DNPEP: variants seen among roughly 807,000 people sequenced by gnomAD.
The protein encoded by DNPEP is aspartyl aminopeptidase.
Under a neutral mutation model 59.1 loss-of-function variants are expected in DNPEP, and 46 were observed. The observed-to-expected ratio is 0.78, with a 90% CI of 0.61 to 0.99. DNPEP has a LOEUF of 0.99. DNPEP is among the 50% of genes least tolerant of loss of function. DNPEP has a pLI of 0.00. For synonymous variants in DNPEP, 229 were observed against 242.2 expected (o/e 0.95, Z 0.50); for missense variants, 617 against 649.9 (o/e 0.95, Z 0.55).
rs761512636 is a variant in DNPEP, at chr2:219,385,332, G to C, written c.774+92C>G. 6.5e-6 allele frequency: 5 copies of C among 765,890 alleles called. No individual in the cohort carries two copies. In the East Asian group the frequency reaches 7.9e-5, roughly 12 times the overall value. 47.4% of individuals were successfully genotyped at this position (765,890 alleles called of 1,614,324 possible). ...CGGGGATGAGAGTTACTGAGGGCTT[G>C]GTGGAGGTGATGGGTGCTTCAGCAG... On this transcript the variant is annotated intron_variant, in intron 8 of 14. Transcript: ENST00000273075.
Position 219,387,090 on chromosome 2 carries a change from C to T in DNPEP, c.110G>A (p.Arg37Gln). ...CTTACCATGGAAAGGAGAGGGACTC[C>T]GGTTCACGAACTTGAGGAGTTCCTT... is the stretch of plus-strand genomic sequence containing the variant. Reference protein sequence around the residue: ...AAKELLKFVNRSPSPFHAVAE... With the variant: ...AAKELLKFVNQSPSPFHAVAE... The change falls in exon 2 of 15, where the codon CGG becomes CAG. Residue 37 changes from arginine (R) to glutamine (Q), a missense_variant. Physicochemically the swap from Arg to Gln is conservative, Grantham distance 43. Coordinates refer to ENST00000273075, the MANE Select transcript of DNPEP (RefSeq NM_012100.4). The T allele has an allele frequency of 6.3e-7, 1 of 1,596,306 alleles. No homozygotes were observed. The highest frequency in any genetic ancestry group is 2.3e-5 in the East Asian group (1 of 44,354).
intron 13 of DNPEP, among the ~76,000 whole-genome samples, chr2:219,380,842 T>TACACACACACAC (rs58867229): frequency 0.025 from 3,653 of 145,764 alleles, 179 homozygotes; most frequent in African/African-American, 0.087. Context: ...CATATATATG[T>TACACACACACAC]ACACACACAC....
At chr2:219,383,550 C>T (rs566671583) in intron 9 of DNPEP, among the ~76,000 whole-genome samples, 1 of 150,578 alleles carries the variant, frequency 6.6e-6, no homozygotes, top group Non-Finnish European at 1.5e-5. Context: ...GGACAGGAGA[C>T]ACCATCCTTT....
chr2:219,386,949 C>G lies in DNPEP; in HGVS notation c.162G>C (p.Gln54His). The change falls in exon 3 of 15, where the codon CAG becomes CAC. Residue 54 changes from glutamine to histidine, a missense_variant. By Grantham distance (24) the Gln-to-His change is conservative. Transcript: ENST00000273075. ...AVAECRNRLLQAGFSELKETE... is the reference protein window; with the variant it reads ...AVAECRNRLLHAGFSELKETE... ...TCTCCTTGAGTTCACTGAAGCCAGCCTGGAGAAGGCGGTTGCGGCATTCAG... is the reference window on the plus strand; with the variant it reads ...TCTCCTTGAGTTCACTGAAGCCAGCGTGGAGAAGGCGGTTGCGGCATTCAG... The G allele has an allele frequency of 6.2e-7, 1 of 1,614,028 alleles. No individual in the cohort carries two copies. Among genetic ancestry groups the G allele is most frequent in the Non-Finnish European group, 8.5e-7 (1 of 1,180,000 alleles).
Position 219,382,053 on chromosome 2 carries a change from T to A in DNPEP, c.1023A>T (p.Thr341=), listed in dbSNP as rs766640913. ...ACTTGGGTATGGCTTCCTCGAAGGC[T>A]GTCGGGTGCTGGCACGAGGCTGAGA... ...RRISASCQHP[T]AFEEAIPKSF... is the part of the protein sequence containing the mutation. Residue 341 remains threonine, a synonymous_variant, in exon 11 of 15, where the codon ACA becomes ACT. Coordinates refer to ENST00000273075, the MANE Select transcript of DNPEP (RefSeq NM_012100.4). 3.7e-6 allele frequency: 6 copies of A among 1,614,182 alleles called. No individual in the cohort carries two copies. The highest frequency in any genetic ancestry group is 1.1e-5 in the South Asian group (1 of 91,088).
In DNPEP at chr2:219,374,192, A is replaced by G; in HGVS notation, c.*100T>C. Reference sequence around the variant, plus strand: ...GTCTCCAAATAAGCGTAGCACGGAGAGTCTGAGTGACAATCCACTTTAATA... The same window carrying G: ...GTCTCCAAATAAGCGTAGCACGGAGGGTCTGAGTGACAATCCACTTTAATA... On this transcript the variant is annotated 3_prime_UTR_variant, in exon 15 of 15. Coordinates refer to ENST00000273075, the MANE Select transcript of DNPEP (RefSeq NM_012100.4). 8.8e-7 allele frequency: 1 copy of G among 1,138,636 alleles called. No homozygotes were observed. The highest frequency in any genetic ancestry group is 1.3e-6 in the Non-Finnish European group (1 of 755,230). 70.5% of individuals were successfully genotyped at this position (1,138,636 alleles called of 1,614,324 possible). A position where few individuals can be genotyped will look rare whatever the true frequency, so the allele number is the denominator to read the frequency against.
upstream of DNPEP, chr2:219,388,509 G>GCCCGCCCTCGTCTCCGC (rs2125147395): frequency 5.7e-6 from 1 of 175,960 alleles, no homozygotes; most frequent in African/African-American, 2.4e-5. Flanking sequence ...TCCGCCTCCG[G>GCCCGCCCTCGTCTCCGC]CCCGCCCTCG....
intron 1 of DNPEP, among the ~76,000 whole-genome samples, chr2:219,394,667 T>G (rs1430722880): frequency 6.6e-6 from 1 of 152,174 alleles, no homozygotes; most frequent in African/African-American, 2.4e-5. Context: ...TCTCATGACT[T>G]TAAATAGTAT....
chr2:219,387,714 CG>C (rs781055156), intron 1 of DNPEP, 44 bp downstream of exon 1: 2 of 1,606,938 alleles, frequency 1.2e-6, no homozygotes, highest in South Asian at 2.2e-5. Context: ...GCGCCGGACC[CG>C]GTCTGGGATC....
intron 8 of DNPEP, 95 bp downstream of exon 8, chr2:219,385,329 C>T: frequency 1.3e-6 from 1 of 750,522 alleles, no homozygotes; most frequent in South Asian, 1.7e-5. Flanking sequence ...TTACTGAGGG[C>T]TTGGTGGAGG....
chr2:219,393,590 G>C (rs1185518437), upstream of DNPEP: 1 of 152,320 alleles, frequency 6.6e-6, no homozygotes, highest in Non-Finnish European at 1.5e-5. Context: ...GGACAAGCTT[G>C]CTTTAAACTC....
In DNPEP at chr2:219,372,721, T is replaced by G. The variant is rs1953229211; in HGVS notation, c.*1571A>C. ...TGTGTCCAGTTCTGCAACCTGCCTTTTCTACTCAACAATGTCTTTGTAATC... is the reference window on the plus strand; with the variant it reads ...TGTGTCCAGTTCTGCAACCTGCCTTGTCTACTCAACAATGTCTTTGTAATC... On this transcript the variant is annotated 3_prime_UTR_variant, in exon 15 of 15. Coordinates refer to ENST00000273075, the MANE Select transcript of DNPEP (RefSeq NM_012100.4). Among the ~76,000 whole-genome samples the G allele has an allele frequency of 6.6e-6, 1 of 152,160 alleles. No homozygotes were observed. The highest frequency in any genetic ancestry group is 2.1e-4 in the South Asian group (1 of 4,836).
In DNPEP at chr2:219,385,538, A is replaced by G. The variant is rs1953775460; in HGVS notation, c.667-7T>C. 1.9e-6 allele frequency: 3 copies of G among 1,604,860 alleles called. No homozygotes were observed. In the African/African-American group the frequency reaches 4.0e-5, roughly 21 times the overall value. ...CCGAATGGTGCCGCTCATCCTGAAG[A>G]GCAGAAAGATGCTGGGAAGAGTCCA... On this transcript the variant is annotated splice_region_variant and splice_polypyrimidine_tract_variant and intron_variant, in intron 7 of 14. Transcript: ENST00000273075.
chr2:219,375,776 G>C (rs1330629419), intron 13 of DNPEP, among the ~76,000 whole-genome samples: 1 of 152,134 alleles, frequency 6.6e-6, no homozygotes, highest in Non-Finnish European at 1.5e-5. Flanking sequence ...TGGCCAGGCT[G>C]TTCTCGAACT....
At chr2:219,399,610 C>T (rs1199255091) in intron 1 of DNPEP, 5 of 637,810 alleles carry the variant, frequency 7.8e-6, no homozygotes, top group Middle Eastern at 2.5e-4. Context: ...TGTTGGGCAA[C>T]GTGGAGAGAA....
intron 13 of DNPEP, among the ~76,000 whole-genome samples, chr2:219,378,743 G>A (rs1197169597): frequency 1.3e-5 from 2 of 151,518 alleles, no homozygotes; most frequent in Non-Finnish European, 1.5e-5. Flanking sequence ...CATCACAGCT[G>A]TTGCGATGTT....
chr2:219,381,486 G>A, intron 12 of DNPEP, 50 bp from the exon 13 acceptor site: 1 of 1,613,664 alleles, frequency 6.2e-7, no homozygotes, highest in Non-Finnish European at 8.5e-7. Flanking sequence ...CAAAGGGAAT[G>A]AGTCGGCGCT....
In DNPEP at chr2:219,385,444, G is replaced by C; in HGVS notation, c.754C>G (p.Leu252Val). 3 of 1,610,890 alleles carry C rather than the reference G, an allele frequency of 1.9e-6. No homozygotes were observed. Among genetic ancestry groups the C allele is most frequent in the Non-Finnish European group, 2.5e-6 (3 of 1,177,300 alleles). ...PKDIVEMELC[L>V]ADTQPAVLGG... ...CTCACCGCAGGCTGGGTGTCTGCAAGGCAGAGCTCCATCTCCACTATGTCC... is the reference window on the plus strand; with the variant it reads ...CTCACCGCAGGCTGGGTGTCTGCAACGCAGAGCTCCATCTCCACTATGTCC... The change falls in exon 8 of 15, where the codon CTT becomes GTT. Residue 252 changes from leucine (L) to valine (V), a missense_variant. Leu to Val is a conservative substitution (Grantham distance 32). Coordinates refer to ENST00000273075, the MANE Select transcript of DNPEP (RefSeq NM_012100.4).
At chr2:219,386,810 GAGTTGCATTACTCAGCTGGCAC>G in intron 3 of DNPEP, 32 bp from the exon 4 acceptor site, 2 of 1,609,686 alleles carry the variant, frequency 1.2e-6, no homozygotes, top group Non-Finnish European at 1.7e-6. Context: ...ACAGGGGTGT[GAGTTGCATTACTCAGCTGGCAC>G]ACAGGGCTTG....
Sources: gnomAD v4.1 joint callset for allele counts (sites outside exome capture counted in the v4.1 genomes callset) on GRCh38, gnomAD v4.1.1 for gene constraint, MANE v1.5 for transcripts, NCBI Gene and HGNC (gene_info 2026-07-23, HGNC 2026-07-21) for gene names.